The following FSTL4 variants were observed in gnomAD, a reference collection of about 807,000 sequenced individuals.
FSTL4 encodes follistatin-related protein 4.
Under a neutral mutation model 78.2 loss-of-function variants are expected in FSTL4, and 28 were observed. The observed-to-expected ratio is 0.36, with a 90% CI of 0.27 to 0.49. The LOEUF (loss-of-function observed/expected upper bound fraction) is 0.49. Ranked by LOEUF, FSTL4 falls within the 20% of genes least tolerant of loss-of-function variation. The pLI is 0.98. For synonymous variants in FSTL4, 422 were observed against 440.5 expected (o/e 0.96, Z 0.53); for missense variants, 922 against 1,084.9 (o/e 0.85, Z 2.11).
At chr5:133,420,615 G>A (rs1756670894) in intron 3 of FSTL4, among the ~76,000 whole-genome samples, 1 of 152,170 alleles carries the variant, frequency 6.6e-6, no homozygotes, top group Non-Finnish European at 1.5e-5. Flanking sequence ...GACCTCAAAT[G>A]ATGGTGCCAC....
chr5:133,210,469 C>CATTATTATT lies in FSTL4; in HGVS notation c.1609-180_1609-172dup, dbSNP rs72224529. ...TCCCCTCTGTCTTTTTTCTCAGAGGCATTATTATTATTATTATTATTATTA... is the reference window on the plus strand; with the variant it reads ...TCCCCTCTGTCTTTTTTCTCAGAGGCATTATTATTATTATTATTATTATTATTATTATTA... On this transcript the variant is annotated intron_variant, in intron 13 of 15. Coordinates refer to ENST00000265342, the MANE Select transcript of FSTL4 (RefSeq NM_015082.2). Among the ~76,000 whole-genome samples, 451 of 145,498 alleles carry CATTATTATT rather than the reference C, an allele frequency of 3.1e-3. 4 individuals carry two copies. Among genetic ancestry groups the CATTATTATT allele is most frequent in the African/African-American group, 4.7e-3 (175 of 37,480 alleles).
At chr5:133,390,366 A>C (rs1045203113) in intron 4 of FSTL4, among the ~76,000 whole-genome samples, 6 of 152,266 alleles carry the variant, frequency 3.9e-5, no homozygotes, top group African/African-American at 1.4e-4. Context: ...AACAAGAAGA[A>C]AAGCAGAGGG....
Position 133,288,654 on chromosome 5 carries a change from T to G in FSTL4, c.727+24000A>C, listed in dbSNP as rs867941748. Among the ~76,000 whole-genome samples, 7 of 152,354 alleles carry G rather than the reference T, an allele frequency of 4.6e-5. 1 individual carries two copies. The highest frequency in any genetic ancestry group is 9.6e-5 in the African/African-American group (4 of 41,588). On this transcript the variant is annotated intron_variant, in intron 6 of 15. Coordinates refer to ENST00000265342, the MANE Select transcript of FSTL4 (RefSeq NM_015082.2). ...TCTGCCTGAGCCCCTTGGCCCTGGA[T>G]GCTGGGACAGAGCCTGCCTAGGGAG...
At chr5:133,430,802 G>A (rs1580704022) in intron 3 of FSTL4, among the ~76,000 whole-genome samples, 1 of 152,160 alleles carries the variant, frequency 6.6e-6, no homozygotes, top group African/African-American at 2.4e-5. Context: ...TTAGCTGGCT[G>A]TGCTTAACTC....
chr5:133,477,187 A>C (rs536032348), intron 3 of FSTL4, among the ~76,000 whole-genome samples: 1 of 152,338 alleles, frequency 6.6e-6, no homozygotes, highest in Non-Finnish European at 1.5e-5. Context: ...GTGAGTAAAA[A>C]TCTAGAAAGA....
the FSTL4 span, among the ~76,000 whole-genome samples, chr5:133,808,969 A>C: frequency 6.6e-6 from 1 of 151,876 alleles, no homozygotes; most frequent in Non-Finnish European, 1.5e-5. Flanking sequence ...GGTCACTAGC[A>C]GCTCAATCTG....
Position 133,530,278 on chromosome 5 carries a change from G to A in FSTL4, c.160+36908C>T, listed in dbSNP as rs571157504. On this transcript the variant is annotated intron_variant, in intron 3 of 15. Transcript: ENST00000265342. ...CTGCAGCATGAGCCAAGAGCACTGCGGCCCTGGATAGCACCGTTAGGAGCC... is the reference window on the plus strand; with the variant it reads ...CTGCAGCATGAGCCAAGAGCACTGCAGCCCTGGATAGCACCGTTAGGAGCC... Among the ~76,000 whole-genome samples the A allele has an allele frequency of 5.3e-5, 8 of 152,232 alleles. 1 individual carries two copies. The highest frequency in any genetic ancestry group is 3.9e-4 in the Admixed American group (6 of 15,298).
chr5:133,505,559 TAATC>T (rs1440641568), intron 3 of FSTL4, among the ~76,000 whole-genome samples: 1 of 152,256 alleles, frequency 6.6e-6, no homozygotes, highest in African/African-American at 2.4e-5. Flanking sequence ...AAGTCCTTCT[TAATC>T]AAAGCCCAGG....
the FSTL4 span, among the ~76,000 whole-genome samples, chr5:133,702,427 C>CT: frequency 6.6e-6 from 1 of 152,114 alleles, no homozygotes; most frequent in Non-Finnish European, 1.5e-5. Flanking sequence ...AGCATTGGGG[C>CT]AGGAGGTAGG....
intron 6 of FSTL4, among the ~76,000 whole-genome samples, chr5:133,250,930 C>T (rs1191553315): frequency 6.6e-6 from 1 of 152,148 alleles, no homozygotes; most frequent in African/African-American, 2.4e-5. Flanking sequence ...AGTAAAAGAG[C>T]CAATAGGCCG....
intron 1 of FSTL4, among the ~76,000 whole-genome samples, chr5:133,609,464 C>T (rs1039378160): frequency 6.6e-6 from 1 of 152,154 alleles, no homozygotes; most frequent in Non-Finnish European, 1.5e-5. Flanking sequence ...GGAGGCTGTA[C>T]GGGAACCTCT....
the FSTL4 span, among the ~76,000 whole-genome samples, chr5:133,692,468 A>G: frequency 3.9e-3 from 593 of 152,284 alleles, 9 homozygotes; most frequent in African/African-American, 0.014. Context: ...AAGTAAGGTA[A>G]GACACAGTAA....
chr5:133,741,857 G>A, the FSTL4 span, among the ~76,000 whole-genome samples: 10 of 152,186 alleles, frequency 6.6e-5, no homozygotes, highest in African/African-American at 2.4e-4. Context: ...ACATGGTTTA[G>A]GAGATGTTTC....
chr5:133,589,156 G>A (rs1337513647), intron 2 of FSTL4, among the ~76,000 whole-genome samples: 1 of 57,294 alleles, frequency 1.7e-5, no homozygotes, highest in Non-Finnish European at 3.7e-5. Context: ...GGAGGGGGGA[G>A]GGATAGCATT....
At chr5:133,410,944 G>A (rs147873087) in intron 3 of FSTL4, among the ~76,000 whole-genome samples, 3 of 152,280 alleles carry the variant, frequency 2.0e-5, no homozygotes, top group East Asian at 3.9e-4. Context: ...TGGCTCAACC[G>A]AGCCAAGCAG....
Position 133,338,220 on chromosome 5 carries a change from C to T in FSTL4, c.410-21568G>A, listed in dbSNP as rs1754506837. 1.3e-5 allele frequency among the ~76,000 whole-genome samples: 2 copies of T among 152,060 alleles called. No individual in the cohort carries two copies. Among genetic ancestry groups the T allele is most frequent in the Non-Finnish European group, 2.9e-5 (2 of 68,018 alleles). On this transcript the variant is annotated intron_variant, in intron 4 of 15. Coordinates refer to ENST00000265342, the MANE Select transcript of FSTL4 (RefSeq NM_015082.2). This position sits in a 1 kb window ranked among gnomAD's most constrained non-coding sequence, Gnocchi z 4.0. ...TCACTGGCCCTGGCCCTGATGACCC[C>T]CCGGGTGTGTGCCCCTATTCCTGTC...
intron 4 of FSTL4, among the ~76,000 whole-genome samples, 190 bp downstream of exon 4, chr5:133,400,548 G>T (rs1248482886): frequency 6.6e-6 from 1 of 152,218 alleles, no homozygotes; most frequent in Admixed American, 6.5e-5. Flanking sequence ...AAGGGCAGGG[G>T]TCTCTGGAGG....
intron 6 of FSTL4, among the ~76,000 whole-genome samples, chr5:133,262,137 T>G (rs1752542697): frequency 6.6e-6 from 1 of 152,194 alleles, no homozygotes; most frequent in South Asian, 2.1e-4. Flanking sequence ...GCCACTAGGC[T>G]TTTCCTTTCC....
chr5:133,321,616 C>T (rs1280931353), intron 4 of FSTL4, among the ~76,000 whole-genome samples: 1 of 152,186 alleles, frequency 6.6e-6, no homozygotes, highest in Admixed American at 6.5e-5. Flanking sequence ...GAGGCCGAGG[C>T]AGGTGGATTA....
Sources: allele counts gnomAD v4.1 joint callset (sites outside exome capture counted in the v4.1 genomes callset), GRCh38; gene constraint gnomAD v4.1.1; non-coding constraint Gnocchi (gnomAD v3.1); transcripts MANE v1.5; gene names NCBI Gene and HGNC (gene_info 2026-07-23, HGNC 2026-07-21).